The following EYS variants were observed in gnomAD, a reference collection of about 807,000 sequenced individuals.
EYS encodes the protein protein eyes shut homolog.
EYS carries 250 observed loss-of-function variants against 282.1 expected under a neutral mutation model. The observed-to-expected ratio is 0.89, with a 90% confidence interval of 0.80 to 0.98. The LOEUF (loss-of-function observed/expected upper bound fraction) is 0.98, where lower values mean the gene tolerates loss of function less well. Ranked by LOEUF, EYS falls within the 50% of genes least tolerant of loss-of-function variation. EYS has a pLI of 0.00. For synonymous variants in EYS, 1,355 were observed against 1,282.9 expected (o/e 1.06, Z -1.20); for missense variants, 4,016 against 3,709.0 (o/e 1.08, Z -2.15).
intron 31 of EYS, among the ~76,000 whole-genome samples, chr6:64,195,242 T>C (rs1285172613): frequency 2.6e-5 from 4 of 152,228 alleles, no homozygotes; most frequent in Admixed American, 2.6e-4. Context: ...TTTTTTGAGA[T>C]TATTTTTTAA....
intron 13 of EYS, among the ~76,000 whole-genome samples, chr6:65,018,087 G>A (rs934225549): frequency 3.9e-5 from 6 of 152,212 alleles, no homozygotes; most frequent in Admixed American, 3.3e-4. Context: ...AGAAATGAGA[G>A]TACTTGTGTC....
chr6:65,062,194 T>C (rs1269556273), intron 12 of EYS, among the ~76,000 whole-genome samples: 1 of 151,906 alleles, frequency 6.6e-6, no homozygotes, highest in Non-Finnish European at 1.5e-5. Flanking sequence ...ACAACACCAC[T>C]TGGACATATT....
intron 22 of EYS, among the ~76,000 whole-genome samples, chr6:64,802,234 C>T (rs573078543): frequency 1.3e-3 from 196 of 151,600 alleles, no homozygotes; most frequent in Non-Finnish European, 2.3e-3. Context: ...GAGATTTCAC[C>T]TCTGTGGCTA....
chr6:64,522,225 T>A (rs926515431), intron 26 of EYS, among the ~76,000 whole-genome samples: 1 of 151,778 alleles, frequency 6.6e-6, no homozygotes, highest in African/African-American at 2.4e-5. Context: ...GCTTATTATA[T>A]GAAGTTTTGA....
intron 22 of EYS, among the ~76,000 whole-genome samples, chr6:64,686,224 T>C (rs77732390): frequency 0.029 from 4,333 of 151,922 alleles, 127 homozygotes; most frequent in East Asian, 0.14. Flanking sequence ...TGTAAGAAGA[T>C]AGAAATAAAA....
At chr6:63,964,409 G>A (rs541665097) in intron 35 of EYS, among the ~76,000 whole-genome samples, 78 of 152,150 alleles carry the variant, frequency 5.1e-4, no homozygotes, top group Non-Finnish European at 9.1e-4. Flanking sequence ...CAATAAAAAA[G>A]ATTTCTTCTG....
intron 2 of EYS, among the ~76,000 whole-genome samples, chr6:65,528,409 T>C (rs1490616662): frequency 1.3e-5 from 2 of 152,196 alleles, no homozygotes; most frequent in Non-Finnish European, 2.9e-5. Flanking sequence ...TTATCTACTA[T>C]GGTTTGAATG....
At chr6:64,029,996 C>T (rs1406353660) in intron 33 of EYS, among the ~76,000 whole-genome samples, 1 of 152,132 alleles carries the variant, frequency 6.6e-6, no homozygotes, top group East Asian at 1.9e-4. Context: ...AGGTGGCACT[C>T]TTACACTGCC....
intron 35 of EYS, among the ~76,000 whole-genome samples, chr6:63,947,516 A>G (rs192668492): frequency 6.6e-6 from 1 of 152,282 alleles, no homozygotes; most frequent in East Asian, 1.9e-4. Context: ...TACTCTTTAT[A>G]GAAAAAAGAT....
chr6:64,529,710 A>T (rs951370123), intron 26 of EYS, among the ~76,000 whole-genome samples: 7 of 152,090 alleles, frequency 4.6e-5, no homozygotes, highest in African/African-American at 1.7e-4. Context: ...GTGCTATATG[A>T]GTTTTTGTTA....
At chr6:65,401,548 C>CA (rs1766498920) in intron 7 of EYS, among the ~76,000 whole-genome samples, 1 of 151,406 alleles carries the variant, frequency 6.6e-6, no homozygotes, top group African/African-American at 2.4e-5. Flanking sequence ...TGAAGGCATG[C>CA]AAAAATTTGA....
chr6:64,128,022 T>C (rs1217151459), intron 31 of EYS, among the ~76,000 whole-genome samples: 2 of 152,234 alleles, frequency 1.3e-5, no homozygotes, highest in East Asian at 3.9e-4. Flanking sequence ...GCCAATGTCA[T>C]CTACAATCTT....
intron 12 of EYS, among the ~76,000 whole-genome samples, chr6:65,172,267 T>G (rs1354835637): frequency 6.6e-6 from 1 of 151,508 alleles, no homozygotes; most frequent in African/African-American, 2.4e-5. Context: ...TTGTCTAGCC[T>G]TAGCCTTTTA....
chr6:65,340,984 C>G (rs1428336247), intron 10 of EYS, among the ~76,000 whole-genome samples: 1 of 151,010 alleles, frequency 6.6e-6, no homozygotes, highest in African/African-American at 2.4e-5. Context: ...TATTTTTCAT[C>G]AACTTCACAA....
chr6:64,945,344 G>T (rs1190224989), intron 15 of EYS, among the ~76,000 whole-genome samples: 5 of 152,012 alleles, frequency 3.3e-5, no homozygotes, highest in African/African-American at 1.2e-4. Context: ...TATGGAATAT[G>T]TGGAAAATTT....
chr6:65,209,702 G>A lies in EYS; in HGVS notation c.2023+86161C>T, dbSNP rs568836234. On this transcript the variant is annotated intron_variant, in intron 12 of 42. Transcript: ENST00000503581. ...CTTTCAGGTGGAGGAAGTGCAATGC[G>A]TTACAAGAAAGCCTGCTAAGCTTTC... Among the ~76,000 whole-genome samples, 8 of 151,978 alleles carry A rather than the reference G, an allele frequency of 5.3e-5. No homozygotes were observed. In the South Asian group the frequency reaches 8.3e-4, roughly 16 times the overall value.
chr6:64,334,832 C>T (rs953572762), intron 29 of EYS, among the ~76,000 whole-genome samples: 1 of 152,086 alleles, frequency 6.6e-6, no homozygotes, highest in Non-Finnish European at 1.5e-5. Context: ...GCTCATGTTC[C>T]AGTCCAGATG....
At chr6:65,182,096 T>C (rs1385960430) in intron 12 of EYS, among the ~76,000 whole-genome samples, 2 of 151,856 alleles carry the variant, frequency 1.3e-5, no homozygotes, top group African/African-American at 2.4e-5. Context: ...TTAGGAGATA[T>C]ACCTAATGTT....
At chr6:65,040,034 T>TAAAA (rs1202685839) in intron 13 of EYS, among the ~76,000 whole-genome samples, 1 of 151,678 alleles carries the variant, frequency 6.6e-6, no homozygotes, top group Non-Finnish European at 1.5e-5. Context: ...TCTTTCCTCT[T>TAAAA]AAAATAGTTG....
Sources: allele counts gnomAD v4.1 joint callset (sites outside exome capture counted in the v4.1 genomes callset), GRCh38; gene constraint gnomAD v4.1.1; transcripts MANE v1.5; gene names NCBI Gene and HGNC (gene_info 2026-07-23, HGNC 2026-07-21).